Variants in SLC45A1 observed in about 807,000 individuals in gnomAD.
SLC45A1 encodes solute carrier family 45 member 1.
In SLC45A1, 28 loss-of-function variants were observed where a neutral mutation model predicts 57.6. The observed-to-expected ratio is 0.49, with a 90% confidence interval of 0.36 to 0.67. The LOEUF (loss-of-function observed/expected upper bound fraction) is 0.67, where lower values mean the gene tolerates loss of function less well. SLC45A1 is among the 30% of genes least tolerant of loss of function. The probability of loss-of-function intolerance (pLI) is 0.00; values close to 1 mark genes in which losing one functional copy is unlikely to be tolerated. For missense variants in SLC45A1, 814 were observed against 1,041.5 expected (o/e 0.78, Z 3.01); for synonymous variants, 459 against 471.5 (o/e 0.97, Z 0.34).
chr1:8,318,534 C>T (rs1478145300), intron 1 of SLC45A1, among the ~76,000 whole-genome samples: 1 of 152,194 alleles, frequency 6.6e-6, no homozygotes, highest in Non-Finnish European at 1.5e-5. Context: ...CATCCGCTCC[C>T]GGCTCACCTC....
intron 8 of SLC45A1, among the ~76,000 whole-genome samples, chr1:8,341,295 G>A (rs1381607778): frequency 6.6e-6 from 1 of 151,938 alleles, no homozygotes; most frequent in Non-Finnish European, 1.5e-5. Context: ...AGCACTTTGG[G>A]AGGCTGAGGC....
chr1:8,319,608 A>G (rs554048979), intron 1 of SLC45A1, among the ~76,000 whole-genome samples: 1 of 152,218 alleles, frequency 6.6e-6, no homozygotes, highest in South Asian at 2.1e-4. Flanking sequence ...ATGGTACAGT[A>G]AAGATGGTCT....
intron 1 of SLC45A1, among the ~76,000 whole-genome samples, chr1:8,318,431 T>C (rs888986586): frequency 6.6e-6 from 1 of 152,256 alleles, no homozygotes; most frequent in Non-Finnish European, 1.5e-5. Context: ...GCTCTCATCC[T>C]TGCTGGCAAG....
rs1487421650 is a variant in SLC45A1 at position 8,343,205 on chromosome 1, C to T, written c.1981-542C>T. On this transcript the variant is annotated intron_variant, in intron 8 of 8. Coordinates refer to ENST00000471889, the MANE Select transcript of SLC45A1 (RefSeq NM_001080397.3). The surrounding 1 kb of genome is among the most constrained non-coding windows in gnomAD (Gnocchi z 7.7). The stretch of plus-strand genomic sequence containing the variant: ...GAGGGAAAGCCATGCCACCGCTCCC[C>T]ACCGTCACTCTGCACAGACCACACT... Among the ~76,000 whole-genome samples the T allele has an allele frequency of 6.6e-6, 1 of 152,218 alleles. No homozygotes were observed. The highest frequency in any genetic ancestry group is 1.5e-5 in the Non-Finnish European group (1 of 68,038).
At position 8,324,291 on chromosome 1, in the gene SLC45A1, G is replaced by A. The variant is rs774629873; in HGVS notation, c.-24-15G>A. 3.2e-5 allele frequency: 51 copies of A among 1,596,398 alleles called. No individual in the cohort carries two copies. The highest frequency in any genetic ancestry group is 4.3e-5 in the Non-Finnish European group (50 of 1,170,278). ...GCAAAAGTAACTGTGGCCTCCCCAC[G>A]GGCTTTCCTCACAGGGACGCCCACC... On this transcript the variant is annotated splice_polypyrimidine_tract_variant and intron_variant, in intron 1 of 8. Transcript: ENST00000471889.
At chr1:8,342,219 AC>A (rs1291148707) in intron 8 of SLC45A1, among the ~76,000 whole-genome samples, 3 of 152,224 alleles carry the variant, frequency 2.0e-5, no homozygotes, top group Admixed American at 6.5e-5. Context: ...ATAAATACAT[AC>A]ATACATAAAT....
chr1:8,328,481 G>A lies in SLC45A1; in HGVS notation c.716-1728G>A, dbSNP rs1414269706. Among the ~76,000 whole-genome samples, 1 of 152,186 alleles carries A rather than the reference G, an allele frequency of 6.6e-6. No individual in the cohort carries two copies. The highest frequency in any genetic ancestry group is 1.5e-5 in the Non-Finnish European group (1 of 68,044). On this transcript the variant is annotated intron_variant, in intron 4 of 8. Coordinates refer to ENST00000471889, the MANE Select transcript of SLC45A1 (RefSeq NM_001080397.3). The surrounding 1 kb of genome is among the most constrained non-coding windows in gnomAD (Gnocchi z 4.6). ...CTTGGCAGAGAGGAAGAAGGACGTC[G>A]GTTTTTACCTTACGCCCGTCTATGA...
At chr1:8,322,229 G>A (rs1199418473) in intron 1 of SLC45A1, among the ~76,000 whole-genome samples, 3 of 7,868 alleles carry the variant, frequency 3.8e-4, no homozygotes, top group East Asian at 6.0e-3. Flanking sequence ...ATGGATGGAT[G>A]GGTGGGTGGG....
rs1331061173 is a variant in SLC45A1, at chr1:8,327,824, C to A, written c.715+1782C>A. ...AGTGGGTGAATCACTTGAGGTCAGGCGTTCAAGACCAGCCTGGCCAACATG... is the reference window on the plus strand; with the variant it reads ...AGTGGGTGAATCACTTGAGGTCAGGAGTTCAAGACCAGCCTGGCCAACATG... On this transcript the variant is annotated intron_variant, in intron 4 of 8. Coordinates refer to ENST00000471889, the MANE Select transcript of SLC45A1 (RefSeq NM_001080397.3). The surrounding 1 kb of genome is among the most constrained non-coding windows in gnomAD (Gnocchi z 4.3). Among the ~76,000 whole-genome samples, 1 of 151,928 alleles carries A rather than the reference C, an allele frequency of 6.6e-6. No homozygotes were observed. Among genetic ancestry groups the A allele is most frequent in the Non-Finnish European group, 1.5e-5 (1 of 67,980 alleles).
intron 1 of SLC45A1, among the ~76,000 whole-genome samples, 197 bp from the exon 2 acceptor site, chr1:8,324,109 A>C (rs1640118067): frequency 6.6e-6 from 1 of 152,096 alleles, no homozygotes; most frequent in South Asian, 2.1e-4. Context: ...CTGAGTAGGG[A>C]AGGCACTGGG....
chr1:8,335,108 C>T lies in SLC45A1; in HGVS notation c.1444-329C>T, dbSNP rs898444551. Reference sequence around the variant, plus strand: ...GACTTCCTAGGCGTGTGGATCTGAACTGACCCATGTTTTTTCATTTCAAAT... The same window carrying T: ...GACTTCCTAGGCGTGTGGATCTGAATTGACCCATGTTTTTTCATTTCAAAT... On this transcript the variant is annotated intron_variant, in intron 5 of 8. Transcript: ENST00000471889. This position sits in a 1 kb window ranked among gnomAD's most constrained non-coding sequence, Gnocchi z 4.1. 6.6e-6 allele frequency among the ~76,000 whole-genome samples: 1 copy of T among 151,742 alleles called. No homozygotes were observed. Among genetic ancestry groups the T allele is most frequent in the Non-Finnish European group, 1.5e-5 (1 of 67,924 alleles).
In SLC45A1 at chr1:8,335,466, G is replaced by A. The variant is rs779472837; in HGVS notation, c.1473G>A (p.Lys491=). 12 of 1,599,290 alleles carry A rather than the reference G, an allele frequency of 7.5e-6. No homozygotes were observed. In the South Asian group the frequency reaches 1.1e-4, roughly 15 times the overall value. Residue 491 remains lysine (K), a synonymous_variant, in exon 6 of 9, where the codon AAG becomes AAA. Coordinates refer to ENST00000471889, the MANE Select transcript of SLC45A1 (RefSeq NM_001080397.3). This position sits in a 1 kb window ranked among gnomAD's most constrained non-coding sequence, Gnocchi z 4.1. ...CCAATATCCTGCTCAACGGCGTGAAGTATGAGAGCGAGCTGACGGGCTCCA... is the reference window on the plus strand; with the variant it reads ...CCAATATCCTGCTCAACGGCGTGAAATATGAGAGCGAGCTGACGGGCTCCA... The part of the protein sequence containing the change: ...QVANILLNGV[K]YESELTGSSE...
chr1:8,337,392 T>C (rs946850980), intron 6 of SLC45A1, among the ~76,000 whole-genome samples: 3 of 152,182 alleles, frequency 2.0e-5, no homozygotes, highest in African/African-American at 4.8e-5. Context: ...AGCCAAACCA[T>C]ATCAGAAACG....
At position 8,343,641 on chromosome 1, in the gene SLC45A1, T is replaced by A; in HGVS notation, c.1981-106T>A. The stretch of plus-strand genomic sequence containing the variant: ...TTGGCGCTGAAAAATGTGAGGCCGC[T>A]GTGTGTGGGCCGCTCGGGCCTCCTG... On this transcript the variant is annotated intron_variant, in intron 8 of 8. Transcript: ENST00000471889. This position sits in a 1 kb window ranked among gnomAD's most constrained non-coding sequence, Gnocchi z 7.7. The A allele has an allele frequency of 7.0e-6, 9 of 1,276,640 alleles. No homozygotes were observed. The highest frequency in any genetic ancestry group is 9.7e-6 in the Non-Finnish European group (9 of 925,042). 79.1% of individuals were successfully genotyped at this position (1,276,640 alleles called of 1,614,324 possible). A position where few individuals can be genotyped will look rare whatever the true frequency, so the allele number is the denominator to read the frequency against.
chr1:8,320,479 C>CA (rs34772008), intron 1 of SLC45A1, among the ~76,000 whole-genome samples: 26 of 151,972 alleles, frequency 1.7e-4, no homozygotes, highest in Non-Finnish European at 3.7e-4. Flanking sequence ...CCCATCTCTA[C>CA]AAAAAAATAC....
At chr1:8,318,943 T>C (rs1318554353) in intron 1 of SLC45A1, among the ~76,000 whole-genome samples, 1 of 152,228 alleles carries the variant, frequency 6.6e-6, no homozygotes, top group African/African-American at 2.4e-5. Context: ...AGCACCTTCC[T>C]GGTCCTGGAG....
intron 7 of SLC45A1, 82 bp from the exon 8 acceptor site, chr1:8,339,411 A>G: frequency 7.2e-7 from 1 of 1,395,014 alleles, no homozygotes; most frequent in South Asian, 1.2e-5. Flanking sequence ...GCTTCAGGTC[A>G]GCCGCCGGGA....
At chr1:8,339,719 T>C (rs368507930) in intron 8 of SLC45A1, 21 bp downstream of exon 8, 17 of 1,608,154 alleles carry the variant, frequency 1.1e-5, no homozygotes, top group Non-Finnish European at 1.4e-5. Flanking sequence ...TCCCTTGTCT[T>C]GCTTCGGGTC....
intron 6 of SLC45A1, among the ~76,000 whole-genome samples, chr1:8,336,503 G>T (rs1640616925): frequency 6.6e-6 from 1 of 151,970 alleles, no homozygotes; most frequent in Admixed American, 6.6e-5. Flanking sequence ...ATTTTGTAAT[G>T]GGTGAGAATC....
Sources: gnomAD v4.1 joint callset for allele counts (sites outside exome capture counted in the v4.1 genomes callset) on GRCh38, gnomAD v4.1.1 for gene constraint, Gnocchi (gnomAD v3.1) non-coding constraint, MANE v1.5 for transcripts, NCBI Gene and HGNC (gene_info 2026-07-23, HGNC 2026-07-21) for gene names.